Variants in RTN1 observed in about 807,000 individuals in gnomAD.
RTN1 encodes the protein reticulon-1.
RTN1 carries 25 observed loss-of-function variants against 65.5 expected under a neutral mutation model. That is an observed-to-expected ratio of 0.38 (90% CI 0.28 to 0.53). The LOEUF (loss-of-function observed/expected upper bound fraction) is 0.53, where lower values mean the gene tolerates loss of function less well. Among genes scored for constraint, RTN1 ranks in the 20% least tolerant of loss-of-function variants. The probability of loss-of-function intolerance (pLI) is 0.79; values close to 1 mark genes in which losing one functional copy is unlikely to be tolerated. For synonymous variants in RTN1, 471 were observed against 447.6 expected (o/e 1.05, Z -0.66); for missense variants, 983 against 1,025.4 (o/e 0.96, Z 0.57).
intron 1 of RTN1, among the ~76,000 whole-genome samples, chr14:59,749,046 C>T (rs929529885): frequency 6.0e-5 from 9 of 148,978 alleles, no homozygotes; most frequent in Admixed American, 2.0e-4. Flanking sequence ...ACCATGGCCT[C>T]CCCAGTGCTG....
intron 1 of RTN1, among the ~76,000 whole-genome samples, chr14:59,840,340 G>A (rs1887288659): frequency 6.6e-6 from 1 of 152,140 alleles, no homozygotes; most frequent in African/African-American, 2.4e-5. Flanking sequence ...CAGAAGAGCT[G>A]TAAATGGAAA....
intron 1 of RTN1, among the ~76,000 whole-genome samples, chr14:59,756,787 C>G (rs190222625): frequency 9.6e-5 from 14 of 146,224 alleles, no homozygotes; most frequent in African/African-American, 2.8e-4. Flanking sequence ...ACCCCCCACA[C>G]AGAATTATCT....
chr14:59,634,539 A>G (rs141556346), intron 3 of RTN1, among the ~76,000 whole-genome samples: 1 of 152,302 alleles, frequency 6.6e-6, no homozygotes, highest in African/African-American at 2.4e-5. Context: ...TTGTTACAAG[A>G]TCCCTATGAG....
At chr14:59,840,844 G>A (rs576513528) in intron 1 of RTN1, among the ~76,000 whole-genome samples, 49 of 152,214 alleles carry the variant, frequency 3.2e-4, no homozygotes, top group Admixed American at 7.2e-4. Context: ...GATAACTTAC[G>A]TGGAAATTTC....
At chr14:59,764,102 G>C (rs8009507) in intron 1 of RTN1, among the ~76,000 whole-genome samples, 65,626 of 151,780 alleles carry the variant, frequency 0.43, 15,178 homozygotes, top group African/African-American at 0.6. Flanking sequence ...GAAGGAATCC[G>C]TACACAAATA....
intron 3 of RTN1, among the ~76,000 whole-genome samples, chr14:59,719,605 G>A (rs748320480): frequency 6.6e-6 from 1 of 152,200 alleles, no homozygotes; most frequent in African/African-American, 2.4e-5. Flanking sequence ...TGAATAGGTG[G>A]GACTGGCATA....
chr14:59,603,883 A>T lies in RTN1; in HGVS notation c.2151T>A (p.Ala717=), dbSNP rs990081090. ...GCAGCAGGGTCAGGCCATTGAAGAG[A>T]GCGCCAACGTAGGTCAGGAGCCACA... ...VLMWLLTYVG[A]LFNGLTLLLM... Residue 717 remains alanine, a synonymous_variant, in exon 6 of 9, where the codon GCT becomes GCA. Transcript: ENST00000267484. The T allele has an allele frequency of 5.6e-6, 9 of 1,612,146 alleles. No homozygotes were observed. Among genetic ancestry groups the T allele is most frequent in the Non-Finnish European group, 6.8e-6 (8 of 1,178,588 alleles).
In RTN1 at chr14:59,603,896, G is replaced by C; in HGVS notation, c.2138C>G (p.Thr713Ser). ...LKFAVLMWLL[T>S]YVGALFNGLT... is the part of the protein sequence containing the mutation. ...GCCATTGAAGAGAGCGCCAACGTAGGTCAGGAGCCACATCAGGACTGCAAA... is the reference window on the plus strand; with the variant it reads ...GCCATTGAAGAGAGCGCCAACGTAGCTCAGGAGCCACATCAGGACTGCAAA... The change falls in exon 6 of 9, where the codon ACC (threonine) becomes AGC (serine). Residue 713 changes from threonine to serine, a missense_variant. By Grantham distance (58) the Thr-to-Ser change is moderately conservative (BLOSUM62 1). Around this residue, in one of 2 missense-constraint regions of RTN1, gnomAD observed 165 missense variants for 223.6 expected, o/e 0.74. Transcript: ENST00000267484. The C allele has an allele frequency of 6.2e-7, 1 of 1,612,044 alleles. No individual in the cohort carries two copies. Among genetic ancestry groups the C allele is most frequent in the Non-Finnish European group, 8.5e-7 (1 of 1,178,466 alleles).
intron 1 of RTN1, among the ~76,000 whole-genome samples, chr14:59,785,349 T>G (rs998003723): frequency 6.6e-6 from 1 of 152,250 alleles, no homozygotes; most frequent in African/African-American, 2.4e-5. Context: ...AAAAGTCACA[T>G]TTTGCATTAT....
intron 3 of RTN1, among the ~76,000 whole-genome samples, chr14:59,683,216 A>G (rs1023886760): frequency 2.6e-5 from 4 of 152,176 alleles, no homozygotes; most frequent in Admixed American, 2.6e-4. Context: ...TTAAAGTTGT[A>G]TGAAGGTAGT....
Position 59,695,598 on chromosome 14 carries a change from T to C in RTN1, c.1765+31321A>G, listed in dbSNP as rs111348261. The stretch of plus-strand genomic sequence containing the variant: ...AGCAGAACCAAACCCTGATGTATTG[T>C]ACAGAAGAAAGACTACTTCTCATTG... On this transcript the variant is annotated intron_variant, in intron 3 of 8. Coordinates refer to ENST00000267484, the MANE Select transcript of RTN1 (RefSeq NM_021136.3). Among the ~76,000 whole-genome samples, 863 of 152,288 alleles carry C rather than the reference T, an allele frequency of 5.7e-3. 8 individuals carry two copies. Among genetic ancestry groups the C allele is most frequent in the African/African-American group, 0.018 (737 of 41,556 alleles).
At position 59,868,689 on chromosome 14, in the gene RTN1, A is replaced by C. The variant is rs1274976708; in HGVS notation, c.241+1701T>G. Among the ~76,000 whole-genome samples, 1 of 152,204 alleles carries C rather than the reference A, an allele frequency of 6.6e-6. No individual in the cohort carries two copies. The highest frequency in any genetic ancestry group is 2.4e-5 in the African/African-American group (1 of 41,452). ...ATTTCCTATATAATAACTTTTGTGGATATGTTACTGAGCATGGGGCACTTA... is the reference window on the plus strand; with the variant it reads ...ATTTCCTATATAATAACTTTTGTGGCTATGTTACTGAGCATGGGGCACTTA... On this transcript the variant is annotated intron_variant, in intron 1 of 8. Transcript: ENST00000267484. The surrounding 1 kb of genome is among the most constrained non-coding windows in gnomAD (Gnocchi z 4.0).
intron 3 of RTN1, among the ~76,000 whole-genome samples, chr14:59,607,906 A>G (rs1363075664): frequency 3.5e-5 from 5 of 143,310 alleles, no homozygotes; most frequent in African/African-American, 5.7e-5. Flanking sequence ...GTCTTAAAAA[A>G]AAAAAAAAAG....
At position 59,662,911 on chromosome 14, in the gene RTN1, A is replaced by C. The variant is rs189342491; in HGVS notation, c.1766-55419T>G. Among the ~76,000 whole-genome samples, 361 of 152,308 alleles carry C rather than the reference A, an allele frequency of 2.4e-3. 2 individuals are homozygous for C. The highest frequency in any genetic ancestry group is 3.7e-3 in the Non-Finnish European group (253 of 68,022). ...TGACTTTCTTCACCGAATTAGAAAA[A>C]ACTACTTTAAAGTTCACACAGAGCC... On this transcript the variant is annotated intron_variant, in intron 3 of 8. Transcript: ENST00000267484.
intron 3 of RTN1, chr14:59,610,064 A>C: frequency 1.3e-6 from 1 of 760,568 alleles, no homozygotes; most frequent in Non-Finnish European, 2.4e-6. Flanking sequence ...TTTCAGACAA[A>C]GAGAAGATAG....
At chr14:59,812,933 T>TA (rs1886755427) in intron 1 of RTN1, among the ~76,000 whole-genome samples, 1 of 152,170 alleles carries the variant, frequency 6.6e-6, no homozygotes, top group African/African-American at 2.4e-5. Flanking sequence ...GCAAAGTAAA[T>TA]AAAAGAATTG....
chr14:59,737,634 A>G (rs1175489889), intron 2 of RTN1, among the ~76,000 whole-genome samples: 5 of 152,226 alleles, frequency 3.3e-5, no homozygotes, highest in Non-Finnish European at 7.3e-5. Context: ...ACTACCATTG[A>G]CATTCCTCAC....
chr14:59,636,873 T>A (rs534048343), intron 3 of RTN1, among the ~76,000 whole-genome samples: 1 of 152,362 alleles, frequency 6.6e-6, no homozygotes, highest in Admixed American at 6.5e-5. Context: ...AAAATGCTAA[T>A]AATCTTCTGA....
chr14:59,802,311 G>C (rs901266490), intron 1 of RTN1, among the ~76,000 whole-genome samples: 2 of 152,204 alleles, frequency 1.3e-5, no homozygotes, highest in Admixed American at 6.5e-5. Context: ...TGCCTGACAC[G>C]CAGAATTTCA....
Sources: allele counts gnomAD v4.1 joint callset (sites outside exome capture counted in the v4.1 genomes callset), GRCh38; gene constraint gnomAD v4.1.1; regional missense constraint gnomAD v4.1.1; non-coding constraint Gnocchi (gnomAD v3.1); transcripts MANE v1.5; gene names NCBI Gene and HGNC (gene_info 2026-07-23, HGNC 2026-07-21).